The following BRINP3 variants were observed in gnomAD, a reference collection of about 807,000 sequenced individuals.
BRINP3 encodes the protein BMP/retinoic acid inducible neural specific 3, also known as BMP/retinoic acid-inducible neural-specific protein 3.
Under a neutral mutation model 71.0 loss-of-function variants are expected in BRINP3, and 19 were observed. The ratio of observed to expected loss-of-function variants is 0.27; its 90% CI spans 0.19 to 0.39. The LOEUF (loss-of-function observed/expected upper bound fraction) is 0.39, where lower values mean the gene tolerates loss of function less well. BRINP3 is among the 10% of genes least tolerant of loss of function. BRINP3 has a pLI of 1.00. For missense variants in BRINP3, 959 were observed against 940.8 expected (o/e 1.02, Z -0.25); for synonymous variants, 380 against 337.7 (o/e 1.13, Z -1.37).
chr1:190,359,827 T>C (rs1669012896), intron 2 of BRINP3, among the ~76,000 whole-genome samples: 1 of 152,150 alleles, frequency 6.6e-6, no homozygotes, highest in East Asian at 1.9e-4. Context: ...GTTCTTTGAA[T>C]TATTTTGTCT....
At chr1:190,443,477 G>A (rs1674978182) in intron 2 of BRINP3, among the ~76,000 whole-genome samples, 1 of 151,780 alleles carries the variant, frequency 6.6e-6, no homozygotes, top group Non-Finnish European at 1.5e-5. Context: ...AGGAACTGAA[G>A]AGTATAAAAC....
intron 7 of BRINP3, among the ~76,000 whole-genome samples, chr1:190,116,003 C>T (rs969872281): frequency 4.6e-5 from 7 of 152,174 alleles, no homozygotes; most frequent in Middle Eastern, 6.8e-3. Flanking sequence ...AATTCATTCA[C>T]TCTATTCCTA....
At chr1:190,393,812 T>C (rs776094766) in intron 2 of BRINP3, among the ~76,000 whole-genome samples, 1 of 151,620 alleles carries the variant, frequency 6.6e-6, no homozygotes. Flanking sequence ...CTAAAATGGA[T>C]GTTATGGCTA....
chr1:190,276,624 G>A (rs1662576451), intron 3 of BRINP3, among the ~76,000 whole-genome samples: 1 of 149,862 alleles, frequency 6.7e-6, no homozygotes, highest in African/African-American at 2.5e-5. Context: ...TGGAGGCATA[G>A]TTTTACATAC....
chr1:190,397,794 T>C (rs1487443651), intron 2 of BRINP3, among the ~76,000 whole-genome samples: 4 of 151,978 alleles, frequency 2.6e-5, no homozygotes, highest in African/African-American at 9.6e-5. Flanking sequence ...TACAATTTAT[T>C]AAGAAAATTA....
intron 6 of BRINP3, among the ~76,000 whole-genome samples, chr1:190,189,985 C>T (rs1318761034): frequency 2.0e-5 from 3 of 152,116 alleles, no homozygotes; most frequent in Non-Finnish European, 4.4e-5. Context: ...GGATACATTA[C>T]AACAGTTGTG....
At chr1:190,362,671 C>T (rs915388157) in intron 2 of BRINP3, among the ~76,000 whole-genome samples, 17 of 152,080 alleles carry the variant, frequency 1.1e-4, no homozygotes, top group Non-Finnish European at 2.2e-4. Flanking sequence ...GAGGTTGATT[C>T]CCCCATAGTG....
At chr1:190,473,278 A>C (rs189206755) in intron 1 of BRINP3, among the ~76,000 whole-genome samples, 9 of 152,112 alleles carry the variant, frequency 5.9e-5, no homozygotes, top group Admixed American at 5.9e-4. Flanking sequence ...TAGTGGAGGA[A>C]AAACTACCTT....
At chr1:190,219,301 T>C (rs183981535) in intron 6 of BRINP3, among the ~76,000 whole-genome samples, 116 of 152,134 alleles carry the variant, frequency 7.6e-4, no homozygotes, top group African/African-American at 2.3e-3. Context: ...ATTTGTGAGC[T>C]CTCTGACCAA....
chr1:190,254,742 T>C (rs911636883), intron 4 of BRINP3, among the ~76,000 whole-genome samples: 2 of 152,178 alleles, frequency 1.3e-5, no homozygotes, highest in Non-Finnish European at 2.9e-5. Context: ...ACTTCCTCTT[T>C]TCCTAATTTG....
intron 6 of BRINP3, among the ~76,000 whole-genome samples, chr1:190,192,001 T>TA (rs548338764): frequency 3.2e-4 from 48 of 151,588 alleles, no homozygotes; most frequent in African/African-American, 6.8e-4. Flanking sequence ...TTTCAAGATT[T>TA]AAAAAAAAAT....
intron 7 of BRINP3, among the ~76,000 whole-genome samples, chr1:190,099,578 A>G (rs191652920): frequency 1.8e-3 from 269 of 152,324 alleles, no homozygotes; most frequent in Non-Finnish European, 2.6e-3. Flanking sequence ...GTGATTGTTC[A>G]TTCATTTACT....
chr1:190,188,487 A>G (rs2102562379), intron 6 of BRINP3, among the ~76,000 whole-genome samples: 1 of 152,282 alleles, frequency 6.6e-6, no homozygotes, highest in Non-Finnish European at 1.5e-5. Context: ...ATACAAGGCT[A>G]GCTGTGGGAT....
intron 1 of BRINP3, among the ~76,000 whole-genome samples, chr1:190,467,353 T>C (rs186976659): frequency 6.6e-6 from 1 of 151,694 alleles, no homozygotes; most frequent in Admixed American, 6.6e-5. Flanking sequence ...ATACATCTAA[T>C]GTACATTTTT....
intron 3 of BRINP3, among the ~76,000 whole-genome samples, chr1:190,272,493 T>G (rs1460328713): frequency 2.0e-5 from 3 of 151,486 alleles, no homozygotes; most frequent in Non-Finnish European, 3.0e-5. Flanking sequence ...TTAAATAATA[T>G]AATCCCTCTA....
rs191099199 is a variant in BRINP3, at chr1:190,119,549, T to G, written c.1185-20415A>C. On this transcript the variant is annotated intron_variant, in intron 7 of 7. Transcript: ENST00000367462. ...CAGCCTCCCAAAGTGCTGGGATGAA[T>G]GAATTGGAGTGCCTTATGTGAGCTA... 1.2e-3 allele frequency among the ~76,000 whole-genome samples: 188 copies of G among 152,184 alleles called. 2 individuals carry two copies. The Middle Eastern group carries it at 0.014, about 11-fold the overall frequency.
chr1:190,469,856 GAT>G (rs1558314845), intron 1 of BRINP3, among the ~76,000 whole-genome samples: 1 of 150,996 alleles, frequency 6.6e-6, no homozygotes, highest in African/African-American at 2.4e-5. Context: ...CCTTCATGCA[GAT>G]ATGTGCTTTT....
chr1:190,343,294 T>C (rs546992773), intron 2 of BRINP3, among the ~76,000 whole-genome samples: 4 of 151,902 alleles, frequency 2.6e-5, no homozygotes, highest in South Asian at 4.1e-4. Flanking sequence ...TGGAAGAAGG[T>C]GGCTGTTTAA....
intron 3 of BRINP3, among the ~76,000 whole-genome samples, chr1:190,269,880 T>G (rs1034468812): frequency 6.6e-6 from 1 of 151,940 alleles, no homozygotes; most frequent in African/African-American, 2.4e-5. Flanking sequence ...ACAATCCTAC[T>G]TTTTAGAATG....
Sources: gnomAD v4.1 joint callset for allele counts (sites outside exome capture counted in the v4.1 genomes callset) on GRCh38, gnomAD v4.1.1 for gene constraint, MANE v1.5 for transcripts, NCBI Gene and HGNC (gene_info 2026-07-23, HGNC 2026-07-21) for gene names.